Variants in PTPRD observed in about 807,000 individuals in gnomAD.
The protein encoded by PTPRD is protein tyrosine phosphatase receptor type D.
A neutral mutation model predicts 214.5 loss-of-function variants in PTPRD; 34 were observed. The ratio of observed to expected loss-of-function variants is 0.16; its 90% confidence interval spans 0.12 to 0.21. The LOEUF (loss-of-function observed/expected upper bound fraction) is 0.21. Ranked by LOEUF, PTPRD falls within the 10% of genes least tolerant of loss-of-function variation. The pLI is 1.00. For missense variants in PTPRD, 2,545 were observed against 2,398.7 expected, an observed-to-expected ratio of 1.06 and a Z score of -1.27; for synonymous variants, 1,128 against 845.7, an observed-to-expected ratio of 1.33 and a Z score of -5.79.
chr9:8,766,615 G>C (rs1231608380), intron 11 of PTPRD, among the ~76,000 whole-genome samples: 1 of 152,162 alleles, frequency 6.6e-6, no homozygotes, highest in Non-Finnish European at 1.5e-5. Flanking sequence ...GATTGCTTTT[G>C]AATTGCATGG....
intron 3 of PTPRD, among the ~76,000 whole-genome samples, chr9:10,086,355 C>G (rs1590761119): frequency 6.6e-6 from 1 of 151,624 alleles, no homozygotes; most frequent in African/African-American, 2.4e-5. Flanking sequence ...GTAGAACAAC[C>G]CAACTATCCT....
chr9:9,262,769 C>A (rs974401469), intron 9 of PTPRD, among the ~76,000 whole-genome samples: 6 of 151,470 alleles, frequency 4.0e-5, no homozygotes, highest in Non-Finnish European at 5.9e-5. Context: ...ATCAGTTTTC[C>A]ATATATGAAT....
chr9:9,935,583 A>C (rs1190893168), intron 5 of PTPRD, among the ~76,000 whole-genome samples: 1 of 151,788 alleles, frequency 6.6e-6, no homozygotes, highest in Non-Finnish European at 1.5e-5. Flanking sequence ...AAGAGGATAC[A>C]AACAAATGGA....
At chr9:9,339,797 T>C (rs2137194550) in intron 9 of PTPRD, among the ~76,000 whole-genome samples, 1 of 152,260 alleles carries the variant, frequency 6.6e-6, no homozygotes, top group East Asian at 1.9e-4. Context: ...GCTCACTACT[T>C]TGAGACTATA....
chr9:9,748,344 A>G (rs867716021), intron 6 of PTPRD, among the ~76,000 whole-genome samples: 5 of 152,360 alleles, frequency 3.3e-5, no homozygotes, highest in African/African-American at 1.2e-4. Flanking sequence ...AAAAATAAGA[A>G]GGGACAATGA....
chr9:8,912,930 T>G (rs1284655011), intron 11 of PTPRD, among the ~76,000 whole-genome samples: 1 of 152,122 alleles, frequency 6.6e-6, no homozygotes, highest in South Asian at 2.1e-4. Flanking sequence ...GATATGAAAC[T>G]GCTTTGTGAG....
intron 11 of PTPRD, among the ~76,000 whole-genome samples, chr9:9,007,731 T>TTA (rs2099485375): frequency 1.3e-5 from 1 of 76,016 alleles, no homozygotes; most frequent in Non-Finnish European, 2.6e-5. Context: ...ACTTGGATCC[T>TTA]TTTTTTTTTT....
intron 10 of PTPRD, among the ~76,000 whole-genome samples, chr9:9,142,071 C>T (rs967740661): frequency 6.6e-6 from 1 of 152,218 alleles, no homozygotes; most frequent in East Asian, 1.9e-4. Context: ...CTGAGTAATT[C>T]AATGTGCCAG....
chr9:9,698,166 C>G (rs776352507), intron 7 of PTPRD, among the ~76,000 whole-genome samples: 1 of 152,152 alleles, frequency 6.6e-6, no homozygotes, highest in Non-Finnish European at 1.5e-5. Context: ...TTGTACACTT[C>G]GGAAGGTCAT....
chr9:9,104,815 C>T (rs1451374493), intron 10 of PTPRD, among the ~76,000 whole-genome samples: 3 of 152,078 alleles, frequency 2.0e-5, no homozygotes, highest in Admixed American at 6.6e-5. Flanking sequence ...CCTATGCACT[C>T]GGGAAACAGG....
At chr9:8,811,896 G>C (rs931911525) in intron 11 of PTPRD, among the ~76,000 whole-genome samples, 1 of 152,146 alleles carries the variant, frequency 6.6e-6, no homozygotes, top group Non-Finnish European at 1.5e-5. Context: ...CCATCTGAAA[G>C]ACATCCACTT....
intron 3 of PTPRD, among the ~76,000 whole-genome samples, chr9:10,128,590 G>A (rs774860791): frequency 1.3e-5 from 2 of 152,122 alleles, no homozygotes; most frequent in Non-Finnish European, 2.9e-5. Context: ...ATAAATTTCT[G>A]TTGTTTAAGC....
intron 9 of PTPRD, among the ~76,000 whole-genome samples, chr9:9,241,362 T>C (rs559310761): frequency 6.6e-6 from 1 of 152,312 alleles, no homozygotes; most frequent in South Asian, 2.1e-4. Flanking sequence ...TATGGCAATG[T>C]AGTTATTCAC....
chr9:9,390,348 G>A (rs573204062), intron 9 of PTPRD, among the ~76,000 whole-genome samples: 1 of 152,188 alleles, frequency 6.6e-6, no homozygotes, highest in East Asian at 1.9e-4. Context: ...GAATACAGAA[G>A]TACTTAGATT....
At chr9:8,655,910 C>A (rs112992849) in intron 12 of PTPRD, among the ~76,000 whole-genome samples, 243 of 152,176 alleles carry the variant, frequency 1.6e-3, no homozygotes, top group South Asian at 2.5e-3. Context: ...TGACCTTGTT[C>A]GAGAATCTTC....
At chr9:9,738,623 G>C (rs902476568) in intron 6 of PTPRD, among the ~76,000 whole-genome samples, 4 of 151,664 alleles carry the variant, frequency 2.6e-5, no homozygotes, top group Non-Finnish European at 4.4e-5. Context: ...TGTATTTTTA[G>C]TAGAGATGGG....
chr9:9,028,182 T>G (rs1295761070), intron 10 of PTPRD, among the ~76,000 whole-genome samples: 1 of 152,016 alleles, frequency 6.6e-6, no homozygotes, highest in East Asian at 1.9e-4. Flanking sequence ...AACACGTTCT[T>G]TTATCAAAAC....
intron 2 of PTPRD, among the ~76,000 whole-genome samples, chr9:10,408,234 G>A (rs1048370083): frequency 3.3e-5 from 5 of 151,174 alleles, no homozygotes; most frequent in African/African-American, 1.2e-4. Flanking sequence ...CCTAAACTGG[G>A]TATTTTTAAG....
At chr9:9,037,850 C>T (rs2099626898) in intron 10 of PTPRD, among the ~76,000 whole-genome samples, 2 of 152,082 alleles carry the variant, frequency 1.3e-5, no homozygotes, top group Admixed American at 6.5e-5. Flanking sequence ...ACAGTGAAAG[C>T]CACTGATTTT....
Sources: allele counts gnomAD v4.1 joint callset (sites outside exome capture counted in the v4.1 genomes callset), GRCh38; gene constraint gnomAD v4.1.1; transcripts MANE v1.5; gene names NCBI Gene and HGNC (gene_info 2026-07-23, HGNC 2026-07-21).